The following TRAK1 variants were observed in gnomAD, a reference collection of about 807,000 sequenced individuals.
The protein encoded by TRAK1 is trafficking kinesin protein 1.
TRAK1 carries 33 observed loss-of-function variants against 92.1 expected under a neutral mutation model. The ratio of observed to expected loss-of-function variants is 0.36; its 90% confidence interval spans 0.27 to 0.48. The LOEUF (loss-of-function observed/expected upper bound fraction) is 0.48. TRAK1 is among the 20% of genes least tolerant of loss of function. The pLI is 0.99. For synonymous variants in TRAK1, 521 were observed against 517.3 expected, an observed-to-expected ratio of 1.01 and a Z score of -0.10; for missense variants, 1,123 against 1,257.9, an observed-to-expected ratio of 0.89 and a Z score of 1.62.
At chr3:42,114,716 T>C (rs1378087157) in intron 1 of TRAK1, among the ~76,000 whole-genome samples, 2 of 152,062 alleles carry the variant, frequency 1.3e-5, no homozygotes, top group Non-Finnish European at 2.9e-5. Context: ...ACTTAATTTT[T>C]TTTTCTTTTT....
intron 14 of TRAK1, chr3:42,212,131 C>A (rs1709116891): frequency 2.7e-5 from 27 of 985,284 alleles, no homozygotes; most frequent in Non-Finnish European, 3.0e-5. Context: ...AGTAAATCAT[C>A]CTGGAGGTCC....
chr3:42,094,172 C>T (rs1705551917), intron 1 of TRAK1, among the ~76,000 whole-genome samples: 1 of 152,132 alleles, frequency 6.6e-6, no homozygotes, highest in African/African-American at 2.4e-5. Flanking sequence ...GTTGTAGGAA[C>T]GTTGACTGGG....
At chr3:42,099,696 T>C (rs1706460126) in intron 1 of TRAK1, among the ~76,000 whole-genome samples, 1 of 152,216 alleles carries the variant, frequency 6.6e-6, no homozygotes, top group Non-Finnish European at 1.5e-5. Context: ...TTTCAGCTTA[T>C]CTCATAAATA....
At position 42,199,273 on chromosome 3, in the gene TRAK1, A is replaced by C; in HGVS notation, c.1190+20A>C. 6.2e-7 allele frequency: 1 copy of C among 1,613,656 alleles called. No individual in the cohort carries two copies. Among genetic ancestry groups the C allele is most frequent in the Non-Finnish European group, 8.5e-7 (1 of 1,179,768 alleles). ...CATCACGTACGGCCACAGTTTTTAC[A>C]GTTTTGAGATTCCCAGAGACCAACT... On this transcript the variant is annotated intron_variant, in intron 11 of 15. Transcript: ENST00000327628.
chr3:42,078,134 A>G (rs1704244500), intron 1 of TRAK1, among the ~76,000 whole-genome samples: 2 of 152,160 alleles, frequency 1.3e-5, no homozygotes, highest in Non-Finnish European at 2.9e-5. Flanking sequence ...TTCTGGGGCA[A>G]AGGGTCTGAG....
At chr3:42,199,301 G>C in intron 11 of TRAK1, 48 bp downstream of exon 11, 1 of 1,592,950 alleles carries the variant, frequency 6.3e-7, no homozygotes, top group Non-Finnish European at 8.6e-7. Flanking sequence ...GACCAACTTG[G>C]ACCAGTGCAG....
intron 1 of TRAK1, among the ~76,000 whole-genome samples, chr3:42,062,691 A>G (rs1158650250): frequency 1.3e-5 from 2 of 152,220 alleles, no homozygotes. Flanking sequence ...GCTGTTGAGA[A>G]AAAGCAAAAC....
chr3:42,054,006 C>T (rs1703092045), intron 1 of TRAK1, among the ~76,000 whole-genome samples: 1 of 152,138 alleles, frequency 6.6e-6, no homozygotes, highest in Admixed American at 6.5e-5. Context: ...TCCCTGTTTC[C>T]TAAGACCAAC....
intron 2 of TRAK1, among the ~76,000 whole-genome samples, chr3:42,158,355 G>A (rs1576682543): frequency 6.6e-6 from 1 of 152,220 alleles, no homozygotes; most frequent in African/African-American, 2.4e-5. Flanking sequence ...GCACAAGGTG[G>A]AGGTTCTTCC....
Position 42,195,048 on chromosome 3 carries a change from C to G in TRAK1, c.1113+107C>G. 10 of 1,382,522 alleles carry G rather than the reference C, an allele frequency of 7.2e-6. No homozygotes were observed. In the South Asian group the frequency reaches 1.2e-4, roughly 17 times the overall value. 85.6% of individuals were successfully genotyped at this position (1,382,522 alleles called of 1,614,324 possible). ...AGTTGGGTGTTCACAGTTCGCTTCT[C>G]GTTGTACAGTTCAGATCTGAGTCTG... is the stretch of plus-strand genomic sequence containing the variant. On this transcript the variant is annotated intron_variant, in intron 10 of 15. Transcript: ENST00000327628.
intron 1 of TRAK1, 101 bp downstream of exon 1, chr3:42,091,661 C>A: frequency 1.8e-6 from 2 of 1,128,574 alleles, no homozygotes; most frequent in Non-Finnish European, 2.5e-6. Flanking sequence ...TTGCTCCGTG[C>A]TGCTTGGGAG....
At chr3:42,191,725 C>T (rs895156794) in intron 7 of TRAK1, 89 bp downstream of exon 7, 2 of 1,405,204 alleles carry the variant, frequency 1.4e-6, no homozygotes, top group African/African-American at 1.4e-5. Context: ...AGTGCAGTCT[C>T]CTGCCAGCCT....
At chr3:42,102,155 T>C (rs1706856298) in intron 1 of TRAK1, among the ~76,000 whole-genome samples, 2 of 152,260 alleles carry the variant, frequency 1.3e-5, no homozygotes, top group East Asian at 3.9e-4. Context: ...CTGGCTAATT[T>C]TTGTATTTTT....
intron 14 of TRAK1, among the ~76,000 whole-genome samples, chr3:42,213,308 C>A (rs765390880): frequency 3.3e-5 from 5 of 152,128 alleles, no homozygotes; most frequent in Non-Finnish European, 7.4e-5. Flanking sequence ...CTGACCGCCT[C>A]GACCTCCCAA....
At chr3:42,205,585 C>T (rs1385342974) in intron 13 of TRAK1, among the ~76,000 whole-genome samples, 2 of 152,178 alleles carry the variant, frequency 1.3e-5, no homozygotes, top group African/African-American at 4.8e-5. Flanking sequence ...CCAAGGCGGG[C>T]AGTATTTTTT....
At position 42,202,474 on chromosome 3, in the gene TRAK1, C is replaced by G; in HGVS notation, c.1466C>G (p.Thr489Ser). 4 of 1,497,750 alleles carry G rather than the reference C, an allele frequency of 2.7e-6. No homozygotes were observed. The highest frequency in any genetic ancestry group is 3.6e-6 in the Non-Finnish European group (4 of 1,120,522). 92.8% of individuals were successfully genotyped at this position (1,497,750 alleles called of 1,614,324 possible). ...ERSKKPGTPG[T>S]PGSHDLETAL... ...AGTAAGAAGCCGGGGACGCCGGGCACCCCAGGCTCCCACGACCTGGAGACG... is the reference window on the plus strand; with the variant it reads ...AGTAAGAAGCCGGGGACGCCGGGCAGCCCAGGCTCCCACGACCTGGAGACG... Residue 489 changes from threonine to serine, a missense_variant, in exon 13 of 16, where the codon ACC becomes AGC. Transcript: ENST00000327628. This position sits in a 1 kb window ranked among gnomAD's most constrained non-coding sequence, Gnocchi z 6.1.
chr3:42,096,062 G>A (rs1705869038), intron 1 of TRAK1, among the ~76,000 whole-genome samples: 1 of 152,170 alleles, frequency 6.6e-6, no homozygotes, highest in Admixed American at 6.5e-5. Flanking sequence ...ATAAATGTTT[G>A]TTGTTGACAA....
intron 1 of TRAK1, among the ~76,000 whole-genome samples, chr3:42,080,186 C>T (rs1253264852): frequency 6.6e-6 from 1 of 152,122 alleles, no homozygotes; most frequent in East Asian, 1.9e-4. Context: ...GGAACTTGCA[C>T]ACGTGTATTT....
chr3:42,018,376 G>T (rs1302288724), intron 1 of TRAK1, among the ~76,000 whole-genome samples: 1 of 152,118 alleles, frequency 6.6e-6, no homozygotes, highest in East Asian at 1.9e-4. Flanking sequence ...ATGTACCCCA[G>T]TTTGGGAATC....
Sources: gnomAD v4.1 joint callset for allele counts (sites outside exome capture counted in the v4.1 genomes callset) on GRCh38, gnomAD v4.1.1 for gene constraint, Gnocchi (gnomAD v3.1) non-coding constraint, MANE v1.5 for transcripts, NCBI Gene and HGNC (gene_info 2026-07-23, HGNC 2026-07-21) for gene names.